SPMIP6: variants seen among roughly 807,000 people sequenced by gnomAD.
SPMIP6 encodes the protein ciliated bronchial epithelial protein 1.
chr9:34,391,193 C>T, the SPMIP6 span, among the ~76,000 whole-genome samples: 4 of 152,028 alleles, frequency 2.6e-5, no homozygotes, highest in African/African-American at 9.6e-5. Context: ...TGTGTTTGTC[C>T]ATTTGTTTTC....
At chr9:34,394,939 G>T in the SPMIP6 span, among the ~76,000 whole-genome samples, 1 of 151,060 alleles carries the variant, frequency 6.6e-6, no homozygotes, top group Non-Finnish European at 1.5e-5. Flanking sequence ...CCACCATACT[G>T]CCAAAAGCAG....
the SPMIP6 span, among the ~76,000 whole-genome samples, chr9:34,394,912 C>CCTT: frequency 2.6e-5 from 4 of 151,772 alleles, no homozygotes; most frequent in Non-Finnish European, 5.9e-5. Context: ...GCAACAGGGC[C>CCTT]CTTCAGAGTT....
chr9:34,381,205 C>G, the SPMIP6 span: 2 of 1,556,276 alleles, frequency 1.3e-6, no homozygotes, highest in East Asian at 2.3e-5. The surrounding 1 kb of genome is among the most constrained non-coding windows in gnomAD (Gnocchi z 4.4). Context: ...GAGTCACGGA[C>G]AGAGTGAGGC....
the SPMIP6 span, among the ~76,000 whole-genome samples, chr9:34,391,497 T>G: frequency 6.6e-6 from 1 of 152,072 alleles, no homozygotes; most frequent in Non-Finnish European, 1.5e-5. Context: ...ATGTTTCACA[T>G]TTTTTTAGAC....
chr9:34,395,479 C>CT, the SPMIP6 span, among the ~76,000 whole-genome samples: 13 of 152,220 alleles, frequency 8.5e-5, no homozygotes, highest in South Asian at 2.1e-4. Context: ...TCTTTTATGG[C>CT]TTTTTTTCCT....
the SPMIP6 span, chr9:34,389,858 C>G: frequency 6.6e-6 from 1 of 151,490 alleles, no homozygotes; most frequent in Non-Finnish European, 1.5e-5. Context: ...ATTATGCTTC[C>G]TAAATATTTG....
the SPMIP6 span, among the ~76,000 whole-genome samples, chr9:34,383,827 A>G: frequency 1.3e-5 from 2 of 152,224 alleles, no homozygotes; most frequent in Non-Finnish European, 2.9e-5. Context: ...GACATTTAGA[A>G]TGATGCTTGG....
chr9:34,386,744 T>G, the SPMIP6 span, among the ~76,000 whole-genome samples: 4 of 152,224 alleles, frequency 2.6e-5, no homozygotes, highest in African/African-American at 9.6e-5. Context: ...GTCCAGGCCC[T>G]GGGCCCCTGT....
At chr9:34,380,808 G>A in the SPMIP6 span, 1 of 1,530,226 alleles carries the variant, frequency 6.5e-7, no homozygotes, top group Non-Finnish European at 8.8e-7. Flanking sequence ...GGGCCTGCAC[G>A]GAAGCTGGCC....
chr9:34,380,951 G>C, the SPMIP6 span: 4 of 1,603,944 alleles, frequency 2.5e-6, no homozygotes, highest in Non-Finnish European at 3.4e-6. Flanking sequence ...GGTGCAGGGC[G>C]CCCCGCTGGC....
the SPMIP6 span, chr9:34,385,873 G>C: frequency 7.2e-7 from 1 of 1,382,714 alleles, no homozygotes; most frequent in South Asian, 1.4e-5. Context: ...TCTTGAGAAG[G>C]TCAGCCCAGG....
chr9:34,397,266 T>G, the SPMIP6 span, among the ~76,000 whole-genome samples: 1 of 152,236 alleles, frequency 6.6e-6, no homozygotes, highest in Non-Finnish European at 1.5e-5. Context: ...TTGAAGAATT[T>G]ATAAAACTCA....
the SPMIP6 span, chr9:34,379,066 A>G: frequency 6.6e-7 from 1 of 1,524,042 alleles, no homozygotes; most frequent in Non-Finnish European, 9.1e-7. This position sits in a 1 kb window ranked among gnomAD's most constrained non-coding sequence, Gnocchi z 4.2. Flanking sequence ...TGGCACAGCA[A>G]GCCCAGGCTC....
the SPMIP6 span, chr9:34,397,734 G>C: frequency 7.8e-7 from 1 of 1,283,226 alleles, no homozygotes; most frequent in Non-Finnish European, 1.1e-6. Context: ...CTCCAGCCTG[G>C]CAGGTGCCCT....
the SPMIP6 span, chr9:34,380,940 CGGT>C: frequency 6.3e-7 from 1 of 1,598,968 alleles, no homozygotes. Context: ...AGGCGGCGGT[CGGT>C]GCAGGGCGCC....
chr9:34,384,369 A>T, the SPMIP6 span, among the ~76,000 whole-genome samples: 19 of 152,308 alleles, frequency 1.2e-4, 1 homozygote, highest in African/African-American at 4.6e-4. Context: ...TCCACAGTGG[A>T]TGCACAGGAA....
chr9:34,379,271 A>G, the SPMIP6 span: 3 of 803,856 alleles, frequency 3.7e-6, no homozygotes, highest in Non-Finnish European at 6.5e-6. This position sits in a 1 kb window ranked among gnomAD's most constrained non-coding sequence, Gnocchi z 4.2. Flanking sequence ...TTATCCCTAC[A>G]CTTTGTCTAT....
the SPMIP6 span, chr9:34,381,568 C>A: frequency 6.6e-7 from 1 of 1,520,850 alleles, no homozygotes; most frequent in East Asian, 2.4e-5. This position sits in a 1 kb window ranked among gnomAD's most constrained non-coding sequence, Gnocchi z 4.4. Context: ...AGCAGCTCCC[C>A]ACCTCTCCAG....
chr9:34,396,970 A>C, the SPMIP6 span, among the ~76,000 whole-genome samples: 1 of 152,198 alleles, frequency 6.6e-6, no homozygotes, highest in African/African-American at 2.4e-5. Flanking sequence ...CCTGGCCACC[A>C]ATCTTCAAGC....
Sources: allele counts gnomAD v4.1 joint callset (sites outside exome capture counted in the v4.1 genomes callset), GRCh38; gene constraint gnomAD v4.1.1; non-coding constraint Gnocchi (gnomAD v3.1); transcripts MANE v1.5; gene names NCBI Gene and HGNC (gene_info 2026-07-23, HGNC 2026-07-21).